The following CHAF1A variants were observed in gnomAD, a reference collection of about 807,000 sequenced individuals.
CHAF1A encodes the protein CAF-1 subunit A.
CHAF1A carries 5 observed loss-of-function variants against 93.2 expected under a neutral mutation model. That is an observed-to-expected ratio of 0.05 (90% CI 0.03 to 0.11). CHAF1A has a LOEUF of 0.11. CHAF1A is among the 10% of genes least tolerant of loss of function. The probability of loss-of-function intolerance (pLI) is 1.00; values close to 1 mark genes in which losing one functional copy is unlikely to be tolerated. For missense variants in CHAF1A, 1,102 were observed against 1,259.9 expected, an observed-to-expected ratio of 0.87 and a Z score of 1.90; for synonymous variants, 504 against 510.3, an observed-to-expected ratio of 0.99 and a Z score of 0.17.
At chr19:4,410,478 T>G (rs539987400) in intron 3 of CHAF1A, among the ~76,000 whole-genome samples, 1 of 151,484 alleles carries the variant, frequency 6.6e-6, no homozygotes, top group Non-Finnish European at 1.5e-5. Flanking sequence ...CCTCCCAGGT[T>G]CAAGCGATTC....
rs778100682 is a variant in CHAF1A, at chr19:4,408,461, CTTTTT to C, written c.104-416_104-412del. Among the ~76,000 whole-genome samples, 227 of 35,968 alleles carry C rather than the reference CTTTTT, an allele frequency of 6.3e-3. 3 individuals carry two copies. Among genetic ancestry groups the C allele is most frequent in the East Asian group, 9.0e-3 (8 of 888 alleles). 23.6% of individuals were successfully genotyped at this position (35,968 alleles called of 152,430 possible). On this transcript the variant is annotated intron_variant, in intron 2 of 14. Coordinates refer to ENST00000301280, the MANE Select transcript of CHAF1A (RefSeq NM_005483.3). Reference sequence around the variant, plus strand: ...CCTGCCTTGGCCTCCCGCACCCGGCCTTTTTTTTTTTTTTTTTTTTTTTTTTTTTT... The same window carrying C: ...CCTGCCTTGGCCTCCCGCACCCGGCCTTTTTTTTTTTTTTTTTTTTTTTTT...
At chr19:4,426,109 T>C (rs1342589698) in intron 7 of CHAF1A, among the ~76,000 whole-genome samples, 1 of 151,938 alleles carries the variant, frequency 6.6e-6, no homozygotes, top group African/African-American at 2.4e-5. Context: ...TTTAACATAG[T>C]CTAGTATTTC....
At chr19:4,423,749 A>G in intron 6 of CHAF1A, 57 bp from the exon 7 acceptor site, 1 of 1,542,594 alleles carries the variant, frequency 6.5e-7, no homozygotes, top group South Asian at 1.1e-5. Context: ...CATGTTTTGC[A>G]ACACATACTG....
chr19:4,422,904 A>C lies in CHAF1A; in HGVS notation c.1247+109A>C. ...TCACAGGCAGATGGCGGCTCCCTTC[A>C]GTTCCTTCCCATTTCTCCTTCGTGA... On this transcript the variant is annotated intron_variant, in intron 5 of 14. Transcript: ENST00000301280. The surrounding 1 kb of genome is among the most constrained non-coding windows in gnomAD (Gnocchi z 4.6). The C allele has an allele frequency of 1.9e-6, 2 of 1,043,144 alleles. No individual in the cohort carries two copies. The highest frequency in any genetic ancestry group is 2.8e-6 in the Non-Finnish European group (2 of 712,462). 64.6% of individuals were successfully genotyped at this position (1,043,144 alleles called of 1,614,324 possible).
chr19:4,409,973 G>A (rs1973763270), intron 3 of CHAF1A, among the ~76,000 whole-genome samples: 1 of 152,194 alleles, frequency 6.6e-6, no homozygotes, highest in Non-Finnish European at 1.5e-5. Context: ...CATCAACAGT[G>A]TACCTGGTGT....
chr19:4,448,622 C>G (rs1974591702), downstream of CHAF1A: 3 of 590,034 alleles, frequency 5.1e-6, no homozygotes, highest in South Asian at 6.0e-5. Flanking sequence ...CAGCCAAGAC[C>G]CAGCAGAACT....
At chr19:4,443,864 G>A (rs1417623043), downstream of CHAF1A, among the ~76,000 whole-genome samples, 2 of 152,220 alleles carry the variant, frequency 1.3e-5, no homozygotes, top group Non-Finnish European at 2.9e-5. Flanking sequence ...GCAGCTCAGA[G>A]CACACGCAGC....
chr19:4,442,457 C>T (rs1322563336), intron 14 of CHAF1A, 116 bp downstream of exon 14: 6 of 882,592 alleles, frequency 6.8e-6, no homozygotes, highest in Non-Finnish European at 7.2e-6. Context: ...GCCAGGAGGG[C>T]TTGCAGCTGG....
rs1489403683 is a variant in CHAF1A at position 4,429,801 on chromosome 19, C to T, written c.1854+13C>T. 1 of 1,605,972 alleles carries T rather than the reference C, an allele frequency of 6.2e-7. No individual in the cohort carries two copies. The highest frequency in any genetic ancestry group is 1.3e-5 in the African/African-American group (1 of 74,568). Reference sequence around the variant, plus strand: ...CCACAGTGAGGGGGTAAGGATGTGCCCCAGCTGTCTTCACTCACAGACGGC... The same window carrying T: ...CCACAGTGAGGGGGTAAGGATGTGCTCCAGCTGTCTTCACTCACAGACGGC... On this transcript the variant is annotated intron_variant, in intron 10 of 14. Coordinates refer to ENST00000301280, the MANE Select transcript of CHAF1A (RefSeq NM_005483.3).
intron 13 of CHAF1A, among the ~76,000 whole-genome samples, chr19:4,438,922 C>T (rs928341294): frequency 2.1e-4 from 32 of 152,016 alleles, no homozygotes; most frequent in Admixed American, 5.2e-4. Flanking sequence ...GCGGAGCTTG[C>T]GGTGAGCCGA....
downstream of CHAF1A, chr19:4,448,510 A>G: frequency 9.5e-7 from 1 of 1,047,326 alleles, no homozygotes; most frequent in Non-Finnish European, 1.4e-6. Context: ...AGGAAGGCAG[A>G]ACAGCGGCTT....
intron 4 of CHAF1A, among the ~76,000 whole-genome samples, chr19:4,418,796 C>G (rs1009969542): frequency 2.6e-5 from 4 of 152,098 alleles, no homozygotes; most frequent in African/African-American, 4.8e-5. Context: ...CCTTTAGTGA[C>G]TCTCTGCTTA....
intron 1 of CHAF1A, among the ~76,000 whole-genome samples, chr19:4,403,069 T>G (rs1431354545): frequency 6.6e-6 from 1 of 152,226 alleles, no homozygotes; most frequent in Non-Finnish European, 1.5e-5. Context: ...TCCAGGACTC[T>G]CTGGGGCGGT....
At chr19:4,404,568 C>G (rs1973646306) in intron 1 of CHAF1A, among the ~76,000 whole-genome samples, 1 of 152,070 alleles carries the variant, frequency 6.6e-6, no homozygotes, top group African/African-American at 2.4e-5. Flanking sequence ...TTTCTCAGTA[C>G]CTTTTCTTAT....
At chr19:4,435,087 C>CTTTTTTTT (rs869255408) in intron 13 of CHAF1A, among the ~76,000 whole-genome samples, 4 of 87,966 alleles carry the variant, frequency 4.5e-5, no homozygotes, top group East Asian at 3.5e-4. Flanking sequence ...CTTTTTTTTC[C>CTTTTTTTT]TTTTTTTTTT....
intron 4 of CHAF1A, among the ~76,000 whole-genome samples, chr19:4,421,877 C>T (rs112842995): frequency 6.6e-6 from 1 of 151,638 alleles, no homozygotes. Flanking sequence ...AACTGAGTCT[C>T]AGTTGCCCAG....
chr19:4,446,340 G>A (rs370108620), downstream of CHAF1A: 240 of 1,569,708 alleles, frequency 1.5e-4, no homozygotes, highest in Non-Finnish European at 4.6e-5. Context: ...TTGTACTTGC[G>A]CAGCCCCCGC....
At chr19:4,446,038 C>A, downstream of CHAF1A, 1 of 1,604,698 alleles carries the variant, frequency 6.2e-7, no homozygotes, top group Non-Finnish European at 8.5e-7. Flanking sequence ...CTCCTGCGGG[C>A]CGACACTCAC....
At chr19:4,405,575 T>A (rs2145058843) in intron 1 of CHAF1A, among the ~76,000 whole-genome samples, 1 of 149,882 alleles carries the variant, frequency 6.7e-6, no homozygotes, top group African/African-American at 2.5e-5. Flanking sequence ...GCCATTGCAC[T>A]CCAGCCTGGG....
Sources: allele counts gnomAD v4.1 joint callset (sites outside exome capture counted in the v4.1 genomes callset), GRCh38; gene constraint gnomAD v4.1.1; non-coding constraint Gnocchi (gnomAD v3.1); transcripts MANE v1.5; gene names NCBI Gene and HGNC (gene_info 2026-07-23, HGNC 2026-07-21).